Variants in ANKRD6 observed in about 807,000 individuals in gnomAD.
ANKRD6 encodes the protein ankyrin repeat domain-containing protein 6.
ANKRD6 carries 56 observed loss-of-function variants against 82.3 expected under a neutral mutation model. That is an observed-to-expected ratio of 0.68 (90% CI 0.55 to 0.85). The LOEUF (loss-of-function observed/expected upper bound fraction) is 0.85. Ranked by LOEUF, ANKRD6 falls within the 40% of genes least tolerant of loss-of-function variation. The pLI, the probability that ANKRD6 is intolerant of heterozygous loss-of-function variation, is 0.00. For missense variants in ANKRD6, 852 were observed against 907.6 expected (o/e 0.94, Z 0.79); for synonymous variants, 347 against 352.1 (o/e 0.99, Z 0.16).
intron 9 of ANKRD6, chr6:89,619,455 G>C (rs983786235): frequency 6.6e-6 from 1 of 152,104 alleles, no homozygotes; most frequent in Non-Finnish European, 1.5e-5. Context: ...AAGATTGACG[G>C]ATCTTTAATC....
At chr6:89,526,916 G>C (rs1401855444) in intron 1 of ANKRD6, among the ~76,000 whole-genome samples, 2 of 152,158 alleles carry the variant, frequency 1.3e-5, no homozygotes, top group African/African-American at 4.8e-5. Context: ...TGGCCTTTTT[G>C]TTTTATTCAG....
intron 1 of ANKRD6, among the ~76,000 whole-genome samples, chr6:89,495,791 C>T (rs1778544639): frequency 6.6e-6 from 1 of 152,140 alleles, no homozygotes; most frequent in Admixed American, 6.5e-5. Context: ...CAAACACCAG[C>T]CCTTTGCTGC....
intron 1 of ANKRD6, among the ~76,000 whole-genome samples, chr6:89,547,023 G>A (rs1014450723): frequency 3.3e-5 from 5 of 151,882 alleles, no homozygotes; most frequent in Admixed American, 1.3e-4. Flanking sequence ...ATGCAGTGAC[G>A]TGATCACGGC....
chr6:89,561,412 G>A (rs1176603245), intron 1 of ANKRD6: 1 of 152,232 alleles, frequency 6.6e-6, no homozygotes, highest in Non-Finnish European at 1.5e-5. Flanking sequence ...TTCGCAAATA[G>A]TCCTGGTGGG....
rs953732693 is a variant in ANKRD6, at chr6:89,461,012, T to C, written c.-144+27637T>C. On this transcript the variant is annotated intron_variant, in intron 1 of 15. Coordinates refer to ENST00000339746, the MANE Select transcript of ANKRD6 (RefSeq NM_001242809.2). Reference sequence around the variant, plus strand: ...GCCTCCCGGGTTCAAGCGATTCTCCTGCCTCAGCCTCCTGAGTAACTGGGA... The same window carrying C: ...GCCTCCCGGGTTCAAGCGATTCTCCCGCCTCAGCCTCCTGAGTAACTGGGA... 6.0e-5 allele frequency among the ~76,000 whole-genome samples: 9 copies of C among 151,104 alleles called. No homozygotes were observed. The East Asian group carries it at 1.4e-3, about 23-fold the overall frequency.
At chr6:89,608,368 C>CACACACACACACACACACACACTATATA in intron 5 of ANKRD6, among the ~76,000 whole-genome samples, 10 of 130,752 alleles carry the variant, frequency 7.6e-5, no homozygotes, top group African/African-American at 2.7e-4. Flanking sequence ...CACACACACA[C>CACACACACACACACACACACACTATATA]TATATATATA....
chr6:89,460,736 CT>C (rs918731758), intron 1 of ANKRD6, among the ~76,000 whole-genome samples: 5 of 151,316 alleles, frequency 3.3e-5, no homozygotes, highest in African/African-American at 1.2e-4. Flanking sequence ...AGCCAATTTT[CT>C]TTTTTTTAAT....
At chr6:89,592,276 TTGGGGTGTCCTCTGGGG>T (rs2128142812) in intron 2 of ANKRD6, among the ~76,000 whole-genome samples, 1 of 152,144 alleles carries the variant, frequency 6.6e-6, no homozygotes, top group Admixed American at 6.5e-5. Context: ...GAGGGAGTGG[TTGGGGTGTCCTCTGGGG>T]TGGGGGCTAA....
At chr6:89,526,750 A>G (rs760002959) in intron 1 of ANKRD6, among the ~76,000 whole-genome samples, 1 of 152,200 alleles carries the variant, frequency 6.6e-6, no homozygotes, top group Non-Finnish European at 1.5e-5. Context: ...CAGGAAAACC[A>G]GTGGTATAGA....
chr6:89,471,956 A>AG (rs1775528291), intron 1 of ANKRD6, among the ~76,000 whole-genome samples: 2 of 150,418 alleles, frequency 1.3e-5, no homozygotes, highest in African/African-American at 4.9e-5. Context: ...AAAAAAAAAA[A>AG]AAAAAAAAGA....
chr6:89,516,894 A>G (rs1326166904), intron 1 of ANKRD6, among the ~76,000 whole-genome samples: 1 of 152,156 alleles, frequency 6.6e-6, no homozygotes, highest in African/African-American at 2.4e-5. Flanking sequence ...TTGGAGACAG[A>G]GCTTTACTGT....
Position 89,526,559 on chromosome 6 carries a change from T to C in ANKRD6, c.-143-40275T>C, listed in dbSNP as rs553555784. Among the ~76,000 whole-genome samples the C allele has an allele frequency of 2.6e-5, 4 of 152,330 alleles. No individual in the cohort carries two copies. In the South Asian group the frequency reaches 8.3e-4, roughly 32 times the overall value. ...GTGGTTCAGATCTGCAAGAAACATA[T>C]GCCCTGTTTACCATTTCCTGATGGG... is the stretch of plus-strand genomic sequence containing the variant. On this transcript the variant is annotated intron_variant, in intron 1 of 15. Coordinates refer to ENST00000339746, the MANE Select transcript of ANKRD6 (RefSeq NM_001242809.2).
chr6:89,624,826 C>A, intron 13 of ANKRD6, 135 bp downstream of exon 13: 1 of 923,246 alleles, frequency 1.1e-6, no homozygotes, highest in Non-Finnish European at 1.6e-6. Context: ...CCTGCTTCTG[C>A]TTATGTGATT....
chr6:89,472,201 G>A (rs962297458), intron 1 of ANKRD6, among the ~76,000 whole-genome samples: 13 of 152,182 alleles, frequency 8.5e-5, no homozygotes, highest in African/African-American at 3.1e-4. Flanking sequence ...CATTGGATTA[G>A]GACTCACAGT....
chr6:89,570,217 A>T (rs1295372635), intron 2 of ANKRD6, among the ~76,000 whole-genome samples: 1 of 151,976 alleles, frequency 6.6e-6, no homozygotes, highest in Admixed American at 6.6e-5. Flanking sequence ...TGTAGCTGGG[A>T]CTACAGGCAT....
chr6:89,630,710 G>T lies in ANKRD6; in HGVS notation c.1890G>T (p.Arg630Ser). 6.2e-7 allele frequency: 1 copy of T among 1,613,946 alleles called. No homozygotes were observed. The highest frequency in any genetic ancestry group is 2.2e-5 in the East Asian group (1 of 44,886). Reference protein sequence around the residue: ...TKKSGKSGPTRHRAQQPAASS... With the variant: ...TKKSGKSGPTSHRAQQPAASS... ...AGTCTGGGAAGAGTGGGCCAACAAGGCATCGTGCCCAGCAACCCGCAGCCA... is the reference window on the plus strand; with the variant it reads ...AGTCTGGGAAGAGTGGGCCAACAAGTCATCGTGCCCAGCAACCCGCAGCCA... Residue 630 changes from arginine (R) to serine (S), a missense_variant, in exon 16 of 16, where the codon AGG (arginine) becomes AGT (serine). Physicochemically the swap from Arg to Ser is moderately radical, Grantham distance 110. Coordinates refer to ENST00000339746, the MANE Select transcript of ANKRD6 (RefSeq NM_001242809.2).
chr6:89,549,232 G>A (rs1373306294), intron 1 of ANKRD6, among the ~76,000 whole-genome samples: 1 of 152,016 alleles, frequency 6.6e-6, no homozygotes, highest in East Asian at 1.9e-4. Flanking sequence ...AAAGGAAAAA[G>A]TTTAATTGCC....
At chr6:89,442,636 C>CA (rs59245345) in intron 1 of ANKRD6, among the ~76,000 whole-genome samples, 12,457 of 97,366 alleles carry the variant, frequency 0.13, 842 homozygotes, top group African/African-American at 0.22. Context: ...AACCCTGTCT[C>CA]AAAAAAAAAA....
rs376786942 is a variant in ANKRD6 at position 89,545,980 on chromosome 6, A to AT, written c.-143-20846dup. Among the ~76,000 whole-genome samples the AT allele has an allele frequency of 4.2e-3, 631 of 151,372 alleles. 1 individual carries two copies. The highest frequency in any genetic ancestry group is 0.014 in the South Asian group (65 of 4,778). On this transcript the variant is annotated intron_variant, in intron 1 of 15. Coordinates refer to ENST00000339746, the MANE Select transcript of ANKRD6 (RefSeq NM_001242809.2). ...CCACCACGCCTGGTAATTTTTTTGT[A>AT]TTTTTTTTAGTAGAGACGGGGTTTC... is the stretch of plus-strand genomic sequence containing the variant.
Sources: gnomAD v4.1 joint callset for allele counts (sites outside exome capture counted in the v4.1 genomes callset) on GRCh38, gnomAD v4.1.1 for gene constraint, MANE v1.5 for transcripts, NCBI Gene and HGNC (gene_info 2026-07-23, HGNC 2026-07-21) for gene names.